SLC35F1: variants seen among roughly 807,000 people sequenced by gnomAD.
The protein encoded by SLC35F1 is solute carrier family 35 member F1.
SLC35F1 carries 14 observed loss-of-function variants against 48.7 expected under a neutral mutation model. The ratio of observed to expected loss-of-function variants is 0.29; its 90% CI spans 0.19 to 0.45. SLC35F1 has a LOEUF of 0.45. Among genes scored for constraint, SLC35F1 ranks in the 20% least tolerant of loss-of-function variants. SLC35F1 has a pLI of 1.00. For synonymous variants in SLC35F1, 190 were observed against 202.2 expected (o/e 0.94, Z 0.51); for missense variants, 404 against 500.0 (o/e 0.81, Z 1.83).
intron 6 of SLC35F1, among the ~76,000 whole-genome samples, chr6:118,277,891 TA>T (rs2114633296): frequency 6.6e-6 from 1 of 151,676 alleles, no homozygotes; most frequent in East Asian, 1.9e-4. Flanking sequence ...CAAGAAACAC[TA>T]AACTGATGTA....
intron 1 of SLC35F1, among the ~76,000 whole-genome samples, chr6:117,960,985 C>T (rs989569999): frequency 6.6e-6 from 1 of 152,098 alleles, no homozygotes; most frequent in Admixed American, 6.5e-5. Flanking sequence ...CTTTGACTAG[C>T]TTGGTACTAC....
At chr6:118,237,049 T>C (rs1775374482) in intron 3 of SLC35F1, among the ~76,000 whole-genome samples, 1 of 152,184 alleles carries the variant, frequency 6.6e-6, no homozygotes, top group Non-Finnish European at 1.5e-5. Context: ...CCATGCACAA[T>C]ATATAACATT....
intron 1 of SLC35F1, among the ~76,000 whole-genome samples, chr6:117,938,786 C>T (rs762040917): frequency 1.3e-5 from 2 of 152,140 alleles, no homozygotes; most frequent in Admixed American, 6.5e-5. Flanking sequence ...GATATACGCA[C>T]ATCACAAGGT....
chr6:118,237,525 G>A (rs1442661927), intron 3 of SLC35F1, among the ~76,000 whole-genome samples: 2 of 152,130 alleles, frequency 1.3e-5, no homozygotes, highest in African/African-American at 4.8e-5. Context: ...AAGTAGCTGG[G>A]ACTACAGGCA....
chr6:118,231,997 G>T (rs1381586445), intron 2 of SLC35F1, among the ~76,000 whole-genome samples: 2 of 152,172 alleles, frequency 1.3e-5, no homozygotes, highest in African/African-American at 2.4e-5. Flanking sequence ...AACAATTCTC[G>T]TAGGCTGAAA....
intron 7 of SLC35F1, among the ~76,000 whole-genome samples, chr6:118,299,935 T>C (rs963083092): frequency 6.6e-5 from 10 of 152,302 alleles, no homozygotes; most frequent in Middle Eastern, 3.4e-3. Context: ...GGGGTCATAA[T>C]AGTACTTCTC....
At chr6:118,113,522 A>T (rs925995677) in intron 1 of SLC35F1, among the ~76,000 whole-genome samples, 2 of 152,178 alleles carry the variant, frequency 1.3e-5, no homozygotes, top group African/African-American at 4.8e-5. Flanking sequence ...TGTACTTTCT[A>T]TTCACTTTTG....
intron 2 of SLC35F1, among the ~76,000 whole-genome samples, chr6:118,216,370 A>G (rs977398262): frequency 6.6e-6 from 1 of 151,260 alleles, no homozygotes; most frequent in Admixed American, 6.6e-5. Context: ...ATCAATCACT[A>G]TAGTCTTTAG....
At chr6:117,999,800 A>G (rs1194537090) in intron 1 of SLC35F1, among the ~76,000 whole-genome samples, 3 of 152,076 alleles carry the variant, frequency 2.0e-5, no homozygotes, top group Admixed American at 1.3e-4. Context: ...ACAAACTACC[A>G]TCAGAGAATA....
At chr6:118,165,718 G>A (rs895098119) in intron 2 of SLC35F1, among the ~76,000 whole-genome samples, 17 of 152,214 alleles carry the variant, frequency 1.1e-4, no homozygotes, top group Admixed American at 1.0e-3. Flanking sequence ...TGCAGAAGGT[G>A]AGGAAAAAGA....
chr6:117,913,537 T>C (rs563566421), intron 1 of SLC35F1, among the ~76,000 whole-genome samples: 54 of 152,338 alleles, frequency 3.5e-4, no homozygotes, highest in Non-Finnish European at 6.3e-4. Context: ...AGCTGTTCAA[T>C]ATGCAATGCG....
chr6:117,934,102 G>C (rs1776135503), intron 1 of SLC35F1, among the ~76,000 whole-genome samples: 1 of 152,118 alleles, frequency 6.6e-6, no homozygotes, highest in African/African-American at 2.4e-5. Flanking sequence ...GCTGAAGGGT[G>C]ATCTCCGAAA....
intron 1 of SLC35F1, among the ~76,000 whole-genome samples, chr6:117,980,908 G>A (rs1280357137): frequency 6.6e-6 from 1 of 152,182 alleles, no homozygotes; most frequent in Non-Finnish European, 1.5e-5. Context: ...TGGCAACAGG[G>A]AACCCTGGGT....
chr6:117,934,332 T>C (rs900706736), intron 1 of SLC35F1, among the ~76,000 whole-genome samples: 1 of 152,152 alleles, frequency 6.6e-6, no homozygotes, highest in African/African-American at 2.4e-5. Context: ...AACAGGCTAA[T>C]GGAAGGTGTT....
chr6:118,070,886 A>C (rs372069675), intron 1 of SLC35F1, among the ~76,000 whole-genome samples: 1 of 73,736 alleles, frequency 1.4e-5, no homozygotes, highest in African/African-American at 4.8e-5. Flanking sequence ...ATATATATAC[A>C]TAGTAAATAT....
At chr6:118,184,148 T>C (rs941603180) in intron 2 of SLC35F1, among the ~76,000 whole-genome samples, 2 of 152,144 alleles carry the variant, frequency 1.3e-5, no homozygotes, top group Non-Finnish European at 2.9e-5. Flanking sequence ...AGGACACAAG[T>C]AACAATATAA....
chr6:118,115,721 A>G (rs1773468310), intron 1 of SLC35F1, among the ~76,000 whole-genome samples: 1 of 152,292 alleles, frequency 6.6e-6, no homozygotes, highest in Middle Eastern at 3.4e-3. Flanking sequence ...GTAGCTTAAT[A>G]TGAAACTTGA....
intron 1 of SLC35F1, among the ~76,000 whole-genome samples, chr6:117,924,639 G>C (rs1776005288): frequency 6.6e-6 from 1 of 151,862 alleles, no homozygotes; most frequent in Admixed American, 6.6e-5. Flanking sequence ...ACCTTGAGGA[G>C]GAGGGCAATG....
chr6:117,939,315 T>C (rs1776200183), intron 1 of SLC35F1, among the ~76,000 whole-genome samples: 1 of 152,164 alleles, frequency 6.6e-6, no homozygotes, highest in South Asian at 2.1e-4. Flanking sequence ...TAGATGCAAA[T>C]GTGTCATTTT....
Sources: gnomAD v4.1 joint callset for allele counts (sites outside exome capture counted in the v4.1 genomes callset) on GRCh38, gnomAD v4.1.1 for gene constraint, MANE v1.5 for transcripts, NCBI Gene and HGNC (gene_info 2026-07-23, HGNC 2026-07-21) for gene names.